DOCK4: variants seen among roughly 807,000 people sequenced by gnomAD.
DOCK4 encodes dedicator of cytokinesis protein 4.
Under a neutral mutation model 268.1 loss-of-function variants are expected in DOCK4, and 97 were observed. That is an observed-to-expected ratio of 0.36 (90% CI 0.31 to 0.43). The LOEUF is 0.43. Among genes scored for constraint, DOCK4 ranks in the 20% least tolerant of loss-of-function variants. DOCK4 has a pLI of 1.00. For synonymous variants in DOCK4, 954 were observed against 887.2 expected (o/e 1.08, Z -1.34); for missense variants, 2,145 against 2,455.7 (o/e 0.87, Z 2.67).
intron 1 of DOCK4, among the ~76,000 whole-genome samples, chr7:112,040,982 A>AT (rs938606404): frequency 3.2e-4 from 48 of 150,328 alleles, no homozygotes; most frequent in Non-Finnish European, 4.8e-4. Context: ...TTTAGAGGTA[A>AT]TTTTTTTTTT....
intron 1 of DOCK4, among the ~76,000 whole-genome samples, chr7:112,166,458 T>C (rs1817622337): frequency 6.6e-6 from 1 of 152,214 alleles, no homozygotes; most frequent in Non-Finnish European, 1.5e-5. Context: ...ATTTTGTGTG[T>C]ATGTGCGTAC....
Position 111,811,869 on chromosome 7 carries a change from C to A in DOCK4, c.3006+5G>T. 1 of 1,484,284 alleles carries A rather than the reference C, an allele frequency of 6.7e-7. No homozygotes were observed. Among genetic ancestry groups the A allele is most frequent in the South Asian group, 1.2e-5 (1 of 82,210 alleles). The allele number at this position is 1,484,284 out of a possible 1,614,324, so 91.9% of individuals were successfully genotyped here. On this transcript the variant is annotated splice_donor_5th_base_variant and intron_variant, in intron 28 of 52. Transcript: ENST00000428084. ...AGCAGGAGAGTCATATAAATGAATG[C>A]TTACCTTATAATCAAAGTTTTCATT...
chr7:112,150,002 T>C (rs1031114012), intron 1 of DOCK4, among the ~76,000 whole-genome samples: 3 of 152,196 alleles, frequency 2.0e-5, no homozygotes, highest in African/African-American at 7.2e-5. Flanking sequence ...CACACTGTCT[T>C]ATCGAATCCT....
At chr7:112,085,688 G>C (rs1488371375) in intron 1 of DOCK4, among the ~76,000 whole-genome samples, 1 of 152,102 alleles carries the variant, frequency 6.6e-6, no homozygotes, top group Non-Finnish European at 1.5e-5. Flanking sequence ...GATAAATAAT[G>C]GATCTTGACA....
intron 34 of DOCK4, 67 bp from the exon 35 acceptor site, chr7:111,782,991 T>G: frequency 7.3e-7 from 1 of 1,378,074 alleles, no homozygotes; most frequent in Non-Finnish European, 1.0e-6. Flanking sequence ...GTTTGTTCTT[T>G]TTGGGGGAAA....
chr7:112,038,905 A>G (rs1474803496), intron 1 of DOCK4, among the ~76,000 whole-genome samples: 2 of 152,184 alleles, frequency 1.3e-5, no homozygotes, highest in Non-Finnish European at 2.9e-5. Flanking sequence ...TATTAGACCA[A>G]TGTCGCTATC....
chr7:111,874,568 T>C (rs907458142), intron 17 of DOCK4, among the ~76,000 whole-genome samples: 5 of 152,224 alleles, frequency 3.3e-5, no homozygotes, highest in Non-Finnish European at 7.3e-5. Flanking sequence ...TCAGGCAAAA[T>C]TGCTGTATCC....
intron 10 of DOCK4, among the ~76,000 whole-genome samples, chr7:111,941,875 C>T (rs1021428278): frequency 6.6e-6 from 1 of 152,128 alleles, no homozygotes; most frequent in African/African-American, 2.4e-5. Context: ...ACTTAACACT[C>T]TCCAACAAGG....
At chr7:111,867,230 C>T (rs912005425) in intron 22 of DOCK4, among the ~76,000 whole-genome samples, 4 of 152,168 alleles carry the variant, frequency 2.6e-5, no homozygotes, top group Admixed American at 6.5e-5. Context: ...CTAATTTTGT[C>T]TCCTAATCTC....
At chr7:112,169,689 G>C (rs992893348) in intron 1 of DOCK4, among the ~76,000 whole-genome samples, 2 of 152,154 alleles carry the variant, frequency 1.3e-5, no homozygotes, top group Non-Finnish European at 2.9e-5. Context: ...AGCCTTTAGT[G>C]AGAATTCTGG....
In DOCK4 at chr7:111,809,352, C is replaced by T. The variant is rs1415533502; in HGVS notation, c.3056G>A (p.Cys1019Tyr). The T allele has an allele frequency of 4.5e-6, 7 of 1,567,688 alleles. No individual in the cohort carries two copies. Among genetic ancestry groups the T allele is most frequent in the Non-Finnish European group, 5.2e-6 (6 of 1,154,424 alleles). ...AGGTGTGAACATCTCCAACTGCAGACACAACTGGTTTATAAAAATGACTGC... is the reference window on the plus strand; with the variant it reads ...AGGTGTGAACATCTCCAACTGCAGATACAACTGGTTTATAAAAATGACTGC... ...YLAVIFINQL[C>Y]LQLEMFTPSK... Residue 1019 changes from cysteine (C) to tyrosine (Y), a missense_variant, in exon 29 of 53, where the codon TGT becomes TAT. By Grantham distance (194) the Cys-to-Tyr change is radical. Transcript: ENST00000428084.
At chr7:112,000,441 A>G in intron 3 of DOCK4, 53 bp downstream of exon 3, 1 of 1,098,234 alleles carries the variant, frequency 9.1e-7, no homozygotes, top group Non-Finnish European at 1.3e-6. Flanking sequence ...TAATTTAAAT[A>G]ACTATCTTTC....
intron 1 of DOCK4, among the ~76,000 whole-genome samples, chr7:112,005,640 T>C (rs1800795398): frequency 6.6e-6 from 1 of 152,168 alleles, no homozygotes; most frequent in Admixed American, 6.5e-5. Flanking sequence ...TTGACTGCAA[T>C]TTAAAAGACT....
intron 15 of DOCK4, among the ~76,000 whole-genome samples, chr7:111,895,919 T>C (rs148461128): frequency 6.6e-6 from 1 of 152,298 alleles, no homozygotes; most frequent in East Asian, 1.9e-4. Context: ...GCAACTTACA[T>C]TTCTTGCCTA....
intron 16 of DOCK4, among the ~76,000 whole-genome samples, chr7:111,884,086 C>G (rs1345589720): frequency 3.9e-5 from 6 of 152,088 alleles, no homozygotes; most frequent in Admixed American, 1.3e-4. Context: ...TAGGATTACA[C>G]TAGATAGGGG....
At chr7:112,042,476 A>G (rs1036975354) in intron 1 of DOCK4, among the ~76,000 whole-genome samples, 2 of 152,216 alleles carry the variant, frequency 1.3e-5, no homozygotes, top group East Asian at 1.9e-4. Flanking sequence ...AAGGTTAATA[A>G]AAGTCTGAGG....
intron 28 of DOCK4, among the ~76,000 whole-genome samples, chr7:111,811,620 T>C (rs902003779): frequency 6.6e-6 from 1 of 152,136 alleles, no homozygotes; most frequent in African/African-American, 2.4e-5. Flanking sequence ...TCCTTTGTCA[T>C]AAACAGGGAT....
chr7:112,096,368 A>G (rs1810139766), intron 1 of DOCK4, among the ~76,000 whole-genome samples: 1 of 151,854 alleles, frequency 6.6e-6, no homozygotes, highest in Admixed American at 6.6e-5. Flanking sequence ...TTTTTGGTAG[A>G]TGTGGGGTTT....
chr7:111,827,380 T>C (rs79503471), intron 26 of DOCK4, among the ~76,000 whole-genome samples: 9,543 of 152,236 alleles, frequency 0.063, 979 homozygotes, highest in African/African-American at 0.21. Context: ...GCATGCATTC[T>C]TTCAACAAAG....
Sources: gnomAD v4.1 joint callset for allele counts (sites outside exome capture counted in the v4.1 genomes callset) on GRCh38, gnomAD v4.1.1 for gene constraint, MANE v1.5 for transcripts, NCBI Gene and HGNC (gene_info 2026-07-23, HGNC 2026-07-21) for gene names.